The following SLC6A5 variants were observed in gnomAD, a reference collection of about 807,000 sequenced individuals.
SLC6A5 encodes the protein sodium- and chloride-dependent glycine transporter 2.
A neutral mutation model predicts 90.5 loss-of-function variants in SLC6A5; 58 were observed. The observed-to-expected ratio is 0.64, with a 90% CI of 0.52 to 0.80. SLC6A5 has a LOEUF of 0.80. SLC6A5 is among the 30% of genes least tolerant of loss of function. SLC6A5 has a pLI of 0.00. For missense variants in SLC6A5, 1,015 were observed against 1,017.6 expected (o/e 1.00, Z 0.03); for synonymous variants, 427 against 401.4 (o/e 1.06, Z -0.76).
chr11:20,653,073 C>A (rs1031924508), intron 15 of SLC6A5, among the ~76,000 whole-genome samples: 2 of 152,156 alleles, frequency 1.3e-5, no homozygotes, highest in Non-Finnish European at 2.9e-5. Flanking sequence ...ACTGTCACTC[C>A]TGAGTGAATG....
Position 20,619,469 on chromosome 11 carries a change from G to A in SLC6A5, c.1260+1585G>A, listed in dbSNP as rs534867423. 5.3e-5 allele frequency among the ~76,000 whole-genome samples: 8 copies of A among 152,326 alleles called. No homozygotes were observed. The South Asian group carries it at 1.7e-3, about 32-fold the overall frequency. ...CAGGTGGTATGCCTTAAATCACAGA[G>A]TGTGGGGAGAATCAGGTCAGCTAGA... On this transcript the variant is annotated intron_variant, in intron 7 of 15. Coordinates refer to ENST00000525748, the MANE Select transcript of SLC6A5 (RefSeq NM_004211.5).
chr11:20,637,298 A>G lies in SLC6A5; in HGVS notation c.1864A>G (p.Thr622Ala), dbSNP rs1476658235. 3.7e-6 allele frequency: 6 copies of G among 1,610,826 alleles called. No individual in the cohort carries two copies. Among genetic ancestry groups the G allele is most frequent in the Non-Finnish European group, 4.2e-6 (5 of 1,178,284 alleles). ...CTTCATCATGGGTTTTCCAATGATC[A>G]CTCAGGTAAGCTGCCTCCTAGGCAC... is the stretch of plus-strand genomic sequence containing the variant. ...CFFIMGFPMI[T>A]QGGIYMFQLV... The change falls in exon 12 of 16, where the codon ACT becomes GCT. Residue 622 changes from threonine to alanine, a missense_variant. By Grantham distance (58) the Thr-to-Ala change is moderately conservative. Around this residue, in one of 3 missense-constraint regions of SLC6A5, gnomAD observed 442 missense variants for 494.3 expected, o/e 0.89. Transcript: ENST00000525748.
rs1419325127 is a variant in SLC6A5, at chr11:20,651,852, G to C, written c.2071-437G>C. On this transcript the variant is annotated intron_variant, in intron 14 of 15. Coordinates refer to ENST00000525748, the MANE Select transcript of SLC6A5 (RefSeq NM_004211.5). ...AACCTGGGAGGGGGAGGTTGCAGTA[G>C]CTGAGATCACGCCATTGTACTCCAG... Among the ~76,000 whole-genome samples, 5 of 151,872 alleles carry C rather than the reference G, an allele frequency of 3.3e-5. No individual in the cohort carries two copies. In the East Asian group the frequency reaches 7.8e-4, roughly 24 times the overall value.
intron 10 of SLC6A5, among the ~76,000 whole-genome samples, chr11:20,632,634 A>G (rs1237302319): frequency 6.6e-6 from 1 of 152,138 alleles, no homozygotes; most frequent in African/African-American, 2.4e-5. Context: ...CCCACTGGGG[A>G]AGCTTTCCTG....
At chr11:20,637,009 G>C (rs191198150) in intron 11 of SLC6A5, among the ~76,000 whole-genome samples, 163 bp from the exon 12 acceptor site, 240 of 152,236 alleles carry the variant, frequency 1.6e-3, no homozygotes, top group African/African-American at 5.4e-3. Flanking sequence ...CTGCCTGTGG[G>C]TTGGACCCCA....
At chr11:20,608,928 C>G (rs879529960) in intron 5 of SLC6A5, among the ~76,000 whole-genome samples, 6,364 of 39,762 alleles carry the variant, frequency 0.16, 190 homozygotes, top group Middle Eastern at 0.26. Context: ...GTCTGTCTCT[C>G]TCTCTCTCTC....
At chr11:20,622,887 A>G (rs767815728) in intron 7 of SLC6A5, among the ~76,000 whole-genome samples, 1 of 152,184 alleles carries the variant, frequency 6.6e-6, no homozygotes, top group Non-Finnish European at 1.5e-5. Context: ...TGGGGGCAGG[A>G]AAGTCAGGCT....
At chr11:20,636,188 T>A (rs1853202220) in intron 10 of SLC6A5, 119 bp from the exon 11 acceptor site, 4 of 726,208 alleles carry the variant, frequency 5.5e-6, no homozygotes, top group Admixed American at 4.0e-5. Context: ...TAACCAACAG[T>A]GGAAGCAGCA....
intron 14 of SLC6A5, among the ~76,000 whole-genome samples, chr11:20,649,161 T>C (rs1853477444): frequency 6.6e-6 from 1 of 152,250 alleles, no homozygotes; most frequent in African/African-American, 2.4e-5. Flanking sequence ...TCCTGTTTTT[T>C]GAGAAAGTTC....
chr11:20,654,779 C>T lies in SLC6A5; in HGVS notation c.2305C>T (p.Arg769Cys), dbSNP rs756851276. 3.3e-5 allele frequency: 54 copies of T among 1,613,926 alleles called. No individual in the cohort carries two copies. The highest frequency in any genetic ancestry group is 1.0e-4 in the Admixed American group (6 of 59,990). The part of the protein sequence containing the change: ...GPFLAQHRGE[R>C]YKNMIDPLGT... Reference sequence around the variant, plus strand: ...ATTCTTAGCTCAACACCGCGGGGAGCGTTACAAGAACATGATCGACCCCTT... The same window carrying T: ...ATTCTTAGCTCAACACCGCGGGGAGTGTTACAAGAACATGATCGACCCCTT... The change falls in exon 16 of 16, where the codon CGT becomes TGT. Residue 769 changes from arginine to cysteine, a missense_variant. By Grantham distance (180) the Arg-to-Cys change is radical. This residue lies in a region of SLC6A5 where 442 missense variants were observed against 494.3 expected (regional missense o/e 0.89). Coordinates refer to ENST00000525748, the MANE Select transcript of SLC6A5 (RefSeq NM_004211.5).
chr11:20,654,917 C>G lies in SLC6A5; in HGVS notation c.*49C>G. 1 of 1,575,168 alleles carries G rather than the reference C, an allele frequency of 6.3e-7. No homozygotes were observed. Among genetic ancestry groups the G allele is most frequent in the Non-Finnish European group, 8.7e-7 (1 of 1,144,402 alleles). Reference sequence around the variant, plus strand: ...ACTTGATCCTGTTTTTCCTCTCTGCCTCCTCCTAATGTTTTCCATAGCTCT... The same window carrying G: ...ACTTGATCCTGTTTTTCCTCTCTGCGTCCTCCTAATGTTTTCCATAGCTCT... On this transcript the variant is annotated 3_prime_UTR_variant, in exon 16 of 16. Transcript: ENST00000525748.
At chr11:20,602,940 G>T (rs936118337) in intron 2 of SLC6A5, among the ~76,000 whole-genome samples, 42 of 152,190 alleles carry the variant, frequency 2.8e-4, no homozygotes, top group Admixed American at 2.7e-3. Context: ...AGAAGGAGCT[G>T]GAACTCCCAC....
intron 13 of SLC6A5, among the ~76,000 whole-genome samples, chr11:20,640,689 G>C (rs1232362690): frequency 1.5e-5 from 1 of 67,048 alleles, no homozygotes; most frequent in Non-Finnish European, 3.2e-5. Context: ...TAACATGACT[G>C]TTTGAGGTAA....
rs1853672670 is a variant in SLC6A5 at position 20,659,261 on chromosome 11, A to G, written c.*4393A>G. 1 of 152,068 alleles carries G rather than the reference A, an allele frequency of 6.6e-6. No individual in the cohort carries two copies. The highest frequency in any genetic ancestry group is 1.5e-5 in the Non-Finnish European group (1 of 68,026). The allele number at this position is 152,068 out of a possible 1,614,324, so 9.4% of individuals were successfully genotyped here. A position where few individuals can be genotyped will look rare whatever the true frequency, so the allele number is the denominator to read the frequency against. On this transcript the variant is annotated 3_prime_UTR_variant, in exon 16 of 16. Transcript: ENST00000525748. ...AATGTATGAGTTCACAAAACCCTAA[A>G]TAAATGTCAGTGTTTAAAACATGAT...
At chr11:20,640,559 G>A (rs978876436) in intron 13 of SLC6A5, among the ~76,000 whole-genome samples, 2 of 152,104 alleles carry the variant, frequency 1.3e-5, no homozygotes, top group African/African-American at 4.8e-5. Context: ...TCCAGAATCA[G>A]GTTGACTCTG....
intron 7 of SLC6A5, 57 bp from the exon 8 acceptor site, chr11:20,626,651 C>T: frequency 6.3e-7 from 1 of 1,597,816 alleles, no homozygotes; most frequent in Non-Finnish European, 8.6e-7. Context: ...GCTCCTTCTG[C>T]ACAGGTGCAC....
chr11:20,647,434 A>G (rs1278624805), intron 14 of SLC6A5, among the ~76,000 whole-genome samples: 1 of 125,234 alleles, frequency 8.0e-6, no homozygotes, highest in Non-Finnish European at 1.7e-5. Context: ...TATAGTTCCT[A>G]TTATATATAT....
Position 20,652,391 on chromosome 11 carries a change from TC to T in SLC6A5, c.2175del (p.Val726SerfsTer9), listed in dbSNP as rs1278996420. On this transcript the variant is annotated frameshift_variant, in exon 15 of 16. Transcript: ENST00000525748. LOFTEE classifies it high-confidence loss of function. ...GCTCGGATGGCTAATGCTCGCCTGT[TC>T]CGTCATCTGGATCCCAATTATGTTT... ...MVLGWLMLAC[S>X]VIWIPIMFVI... 2 of 1,614,062 alleles carry T rather than the reference TC, an allele frequency of 1.2e-6. No homozygotes were observed. The highest frequency in any genetic ancestry group is 1.7e-6 in the Non-Finnish European group (2 of 1,180,032).
chr11:20,600,335 G>GAAGAAGAAGAAGAAGAA (rs1852435416), intron 1 of SLC6A5, among the ~76,000 whole-genome samples: 2 of 87,878 alleles, frequency 2.3e-5, no homozygotes, highest in East Asian at 3.3e-4. Context: ...AAGAAGAAGA[G>GAAGAAGAAGAAGAAGAA]GAAGAAGAAG....
Sources: gnomAD v4.1 joint callset for allele counts (sites outside exome capture counted in the v4.1 genomes callset) on GRCh38, gnomAD v4.1.1 for gene constraint, gnomAD v4.1.1 regional missense constraint, MANE v1.5 for transcripts, NCBI Gene and HGNC (gene_info 2026-07-23, HGNC 2026-07-21) for gene names.